The following GAS6 variants were observed in gnomAD, a reference collection of about 807,000 sequenced individuals.
The protein encoded by GAS6 is growth arrest specific 6, also known as growth arrest-specific protein 6.
In GAS6, 41 loss-of-function variants were observed where a neutral mutation model predicts 75.8. The ratio of observed to expected loss-of-function variants is 0.54; its 90% confidence interval spans 0.42 to 0.70. The LOEUF is 0.70. Ranked by LOEUF, GAS6 falls within the 30% of genes least tolerant of loss-of-function variation. The pLI is 0.00. For missense variants in GAS6, 854 were observed against 940.2 expected, an observed-to-expected ratio of 0.91 and a Z score of 1.20; for synonymous variants, 432 against 412.6, an observed-to-expected ratio of 1.05 and a Z score of -0.57.
chr13:113,825,686 A>G (rs897136348), intron 12 of GAS6, among the ~76,000 whole-genome samples: 5 of 152,258 alleles, frequency 3.3e-5, no homozygotes, highest in African/African-American at 7.2e-5. Context: ...CGTGTCAAAC[A>G]TTATGATGCT....
Position 113,822,106 on chromosome 13 carries a change from G to T in GAS6, c.1734C>A (p.Thr578=). 1.9e-6 allele frequency: 3 copies of T among 1,600,298 alleles called. No homozygotes were observed. The highest frequency in any genetic ancestry group is 2.6e-6 in the Non-Finnish European group (3 of 1,175,126). Residue 578 remains threonine, a synonymous_variant, in exon 14 of 15, where the codon ACC becomes ACA. Transcript: ENST00000327773. ...KVCDGQEHVV[T]VSLRDGEATL... ...TGGCCTCACCGTCCCTCAGCGAGAC[G>T]GTGACCACGTGCTCTTGGCCGTCGC...
chr13:113,851,989 T>C (rs1476629225), intron 2 of GAS6, among the ~76,000 whole-genome samples: 1 of 152,232 alleles, frequency 6.6e-6, no homozygotes, highest in Non-Finnish European at 1.5e-5. Flanking sequence ...GAGGTTTGTG[T>C]GCTTTGCTGT....
chr13:113,838,050 C>A lies in GAS6; in HGVS notation c.589+19G>T. Reference sequence around the variant, plus strand: ...GTGGGGAGAGGAGAGAGGAGAGAGGCCTCACCCCAGGGCCTTACCTTGGCA... The same window carrying A: ...GTGGGGAGAGGAGAGAGGAGAGAGGACTCACCCCAGGGCCTTACCTTGGCA... On this transcript the variant is annotated intron_variant, in intron 6 of 14. Transcript: ENST00000327773. 1 of 1,611,302 alleles carries A rather than the reference C, an allele frequency of 6.2e-7. No homozygotes were observed.
chr13:113,825,234 CAAAAAAAAA>C (rs71105207), intron 12 of GAS6, among the ~76,000 whole-genome samples: 5 of 58,370 alleles, frequency 8.6e-5, no homozygotes, highest in Admixed American at 5.8e-4. Flanking sequence ...AACTCCGTCT[CAAAAAAAAA>C]AAAAAAAAAA....
chr13:113,852,812 C>A (rs755650417), intron 2 of GAS6, among the ~76,000 whole-genome samples: 2 of 152,204 alleles, frequency 1.3e-5, no homozygotes, highest in Non-Finnish European at 2.9e-5. Context: ...GCCACCCATG[C>A]GGCAACCCTA....
chr13:113,843,066 C>T, intron 4 of GAS6: 2 of 387,456 alleles, frequency 5.2e-6, no homozygotes, highest in Non-Finnish European at 9.0e-6. Flanking sequence ...CAGCCGGTGC[C>T]CAGCAAATAT....
chr13:113,837,496 G>A lies in GAS6; in HGVS notation c.589+573C>T, dbSNP rs1268345174. Among the ~76,000 whole-genome samples the A allele has an allele frequency of 1.3e-5, 2 of 152,160 alleles. No homozygotes were observed. The highest frequency in any genetic ancestry group is 6.5e-5 in the Admixed American group (1 of 15,286). On this transcript the variant is annotated intron_variant, in intron 6 of 14. Transcript: ENST00000327773. This position sits in a 1 kb window ranked among gnomAD's most constrained non-coding sequence, Gnocchi z 5.1. Reference sequence around the variant, plus strand: ...TGCTCCCCCTGCAAAGTGGCAAAGGGCCAGTGGCAGCAGCAGCACCTGGAA... The same window carrying A: ...TGCTCCCCCTGCAAAGTGGCAAAGGACCAGTGGCAGCAGCAGCACCTGGAA...
intron 2 of GAS6, among the ~76,000 whole-genome samples, chr13:113,853,439 G>A (rs58799608): frequency 0.096 from 14,557 of 152,234 alleles, 913 homozygotes; most frequent in East Asian, 0.17. Context: ...GCAAACACCC[G>A]ATGTCAGTCC....
At chr13:113,854,549 G>A (rs1293882168) in intron 2 of GAS6, among the ~76,000 whole-genome samples, 1 of 152,268 alleles carries the variant, frequency 6.6e-6, no homozygotes, top group Non-Finnish European at 1.5e-5. Flanking sequence ...GCCCCCAGCA[G>A]GGTGTCCTGT....
intron 2 of GAS6, among the ~76,000 whole-genome samples, chr13:113,856,609 T>A (rs189286034): frequency 1.3e-5 from 2 of 152,214 alleles, no homozygotes; most frequent in Non-Finnish European, 2.9e-5. Context: ...AGTTTCATCA[T>A]CTGCTGCTGC....
rs1375099001 is a variant in GAS6, at chr13:113,838,178, G to A, written c.480C>T (p.Cys160=). The A allele has an allele frequency of 6.2e-7, 1 of 1,612,636 alleles. No homozygotes were observed. Among genetic ancestry groups the A allele is most frequent in the Non-Finnish European group, 8.5e-7 (1 of 1,179,848 alleles). Reference sequence around the variant, plus strand: ...GGAGGCAGCCCCCGTTCTCCTGGCTGCATTCGTTGACATCTGGGAACAAGC... The same window carrying A: ...GGAGGCAGCCCCCGTTCTCCTGGCTACATTCGTTGACATCTGGGAACAAGC... ...GRLCDKDVNE[C]SQENGGCLQI... Residue 160 remains cysteine, a synonymous_variant, in exon 6 of 15, where the codon TGC becomes TGT. Transcript: ENST00000327773.
intron 11 of GAS6, among the ~76,000 whole-genome samples, chr13:113,828,219 G>A (rs184013959): frequency 1.2e-4 from 19 of 152,172 alleles, no homozygotes; most frequent in South Asian, 4.1e-4. Flanking sequence ...AGCCGAGATC[G>A]CGCCACTGCA....
intron 12 of GAS6, among the ~76,000 whole-genome samples, chr13:113,824,945 G>A (rs1441641755): frequency 1.3e-5 from 2 of 152,182 alleles, no homozygotes; most frequent in Non-Finnish European, 2.9e-5. Context: ...CCAGTCGGGC[G>A]TGGTGGCTCA....
chr13:113,832,223 C>T (rs2138630469), intron 10 of GAS6, 76 bp downstream of exon 10: 1 of 1,482,634 alleles, frequency 6.7e-7, no homozygotes, highest in Non-Finnish European at 9.1e-7. Context: ...CTAACGGTTG[C>T]ATAAGCGAGT....
At chr13:113,828,218 C>T (rs567090405) in intron 11 of GAS6, among the ~76,000 whole-genome samples, 8 of 152,168 alleles carry the variant, frequency 5.3e-5, no homozygotes, top group East Asian at 1.9e-4. Flanking sequence ...GAGCCGAGAT[C>T]GCGCCACTGC....
At chr13:113,828,397 G>T (rs1236880278) in intron 11 of GAS6, 150 bp downstream of exon 11, 1 of 673,474 alleles carries the variant, frequency 1.5e-6, no homozygotes, top group Non-Finnish European at 2.3e-6. Context: ...CGGCGACTTT[G>T]TCAAACTCTA....
chr13:113,831,302 T>C (rs911214965), intron 10 of GAS6, among the ~76,000 whole-genome samples: 1 of 149,914 alleles, frequency 6.7e-6, no homozygotes, highest in African/African-American at 2.4e-5. Flanking sequence ...TTGGCATGCA[T>C]GGCCGCACTG....
intron 2 of GAS6, among the ~76,000 whole-genome samples, chr13:113,849,107 G>A (rs1037027431): frequency 2.6e-5 from 4 of 152,166 alleles, no homozygotes; most frequent in African/African-American, 4.8e-5. Flanking sequence ...CCCCGCCCCA[G>A]CCTTGCCAAC....
At position 113,839,744 on chromosome 13, in the gene GAS6, G is replaced by GC. The variant is rs773341392; in HGVS notation, c.449dup (p.Arg151ProfsTer27). ...CTCACGTACCTTTGTCGCAGAGCCG[G>GC]CCCCCCCAGCCAGCTTTACACAGGC... On this transcript the variant is annotated frameshift_variant, in exon 5 of 15. Transcript: ENST00000327773. LOFTEE classifies it high-confidence loss of function. 13 of 1,613,588 alleles carry GC rather than the reference G, an allele frequency of 8.1e-6. No homozygotes were observed. The highest frequency in any genetic ancestry group is 5.9e-6 in the Non-Finnish European group (7 of 1,179,840).
Sources: gnomAD v4.1 joint callset for allele counts (sites outside exome capture counted in the v4.1 genomes callset) on GRCh38, gnomAD v4.1.1 for gene constraint, Gnocchi (gnomAD v3.1) non-coding constraint, MANE v1.5 for transcripts, NCBI Gene and HGNC (gene_info 2026-07-23, HGNC 2026-07-21) for gene names.